Variants in STK32B observed in about 807,000 individuals in gnomAD.
STK32B encodes the protein serine/threonine-protein kinase 32B.
Under a neutral mutation model 52.6 loss-of-function variants are expected in STK32B, and 43 were observed. The ratio of observed to expected loss-of-function variants is 0.82; its 90% CI spans 0.64 to 1.05. STK32B has a LOEUF of 1.05. STK32B is among the 50% of genes least tolerant of loss of function. STK32B has a pLI of 0.00. For synonymous variants in STK32B, 238 were observed against 204.3 expected (o/e 1.17, Z -1.41); for missense variants, 621 against 534.6 (o/e 1.16, Z -1.59).
intron 2 of STK32B, among the ~76,000 whole-genome samples, chr4:5,160,827 G>A (rs1718383182): frequency 6.6e-6 from 1 of 152,206 alleles, no homozygotes; most frequent in South Asian, 2.1e-4. Context: ...CAGAGAGGGA[G>A]GCTGGGGTGC....
rs542771545 is a variant in STK32B at position 5,481,789 on chromosome 4, G to A, written c.1106+13719G>A. Among the ~76,000 whole-genome samples, 1,098 of 151,968 alleles carry A rather than the reference G, an allele frequency of 7.2e-3. 15 individuals are homozygous for A. The highest frequency in any genetic ancestry group is 0.024 in the African/African-American group (1,013 of 41,422). ...AGGTGTAAGGAAGGGATCCAGTTTCGGCTTTCTACATATGGCTAGCCAGTT... is the reference window on the plus strand; with the variant it reads ...AGGTGTAAGGAAGGGATCCAGTTTCAGCTTTCTACATATGGCTAGCCAGTT... On this transcript the variant is annotated intron_variant, in intron 11 of 11. Transcript: ENST00000282908.
At chr4:5,240,287 C>T (rs1169345489) in intron 3 of STK32B, among the ~76,000 whole-genome samples, 2 of 151,404 alleles carry the variant, frequency 1.3e-5, no homozygotes, top group Admixed American at 1.3e-4. Flanking sequence ...AATCTTGAAT[C>T]TTTTTTTTTC....
intron 11 of STK32B, among the ~76,000 whole-genome samples, chr4:5,480,789 G>T (rs914092279): frequency 6.6e-6 from 1 of 151,050 alleles, no homozygotes; most frequent in African/African-American, 2.4e-5. Flanking sequence ...GTGTCCATGT[G>T]TTCTCATTGT....
At chr4:5,489,711 C>G (rs918275947) in intron 11 of STK32B, among the ~76,000 whole-genome samples, 2 of 152,036 alleles carry the variant, frequency 1.3e-5, no homozygotes, top group Admixed American at 6.6e-5. Context: ...ACCTCCGCCT[C>G]CCAGGTTCAA....
At chr4:5,141,254 T>C (rs1272608468) in intron 2 of STK32B, among the ~76,000 whole-genome samples, 1 of 152,190 alleles carries the variant, frequency 6.6e-6, no homozygotes, top group Non-Finnish European at 1.5e-5. Flanking sequence ...AGTGCTCTCA[T>C]ACAGGGTGTC....
chr4:5,426,867 A>C (rs1713153775), intron 6 of STK32B: 1 of 152,108 alleles, frequency 6.6e-6, no homozygotes. Context: ...GAGTCTTCTT[A>C]AATTCATTTT....
intron 7 of STK32B, among the ~76,000 whole-genome samples, chr4:5,448,339 G>A (rs1340533964): frequency 3.9e-5 from 6 of 152,318 alleles, no homozygotes; most frequent in Admixed American, 6.5e-5. Context: ...TGCTCGGTTC[G>A]TTTCCTGTTA....
At chr4:5,479,803 C>T (rs1193178539) in intron 11 of STK32B, among the ~76,000 whole-genome samples, 1 of 152,186 alleles carries the variant, frequency 6.6e-6, no homozygotes, top group Non-Finnish European at 1.5e-5. Context: ...TATGTGTCCT[C>T]CCACAGCTTT....
chr4:5,226,135 A>G (rs73081635), intron 3 of STK32B, among the ~76,000 whole-genome samples: 5,904 of 152,320 alleles, frequency 0.039, 334 homozygotes, highest in African/African-American at 0.12. Flanking sequence ...CTAAATGTGA[A>G]GAAGAAATAT....
chr4:5,315,486 A>G (rs916222070), intron 3 of STK32B, among the ~76,000 whole-genome samples: 7 of 148,790 alleles, frequency 4.7e-5, no homozygotes, highest in African/African-American at 1.0e-4. Context: ...CATAAACTCA[A>G]TATTATCTAA....
the STK32B span, among the ~76,000 whole-genome samples, chr4:5,020,075 G>T: frequency 6.6e-6 from 1 of 152,196 alleles, no homozygotes; most frequent in Non-Finnish European, 1.5e-5. Context: ...GGCTCACTGA[G>T]CGGCCGTATG....
At chr4:5,172,739 A>G (rs1203934379) in intron 3 of STK32B, among the ~76,000 whole-genome samples, 3 of 152,184 alleles carry the variant, frequency 2.0e-5, no homozygotes, top group Non-Finnish European at 4.4e-5. Flanking sequence ...TTTTGCATCA[A>G]GGTTCATCAA....
intron 3 of STK32B, among the ~76,000 whole-genome samples, chr4:5,304,520 A>G (rs1729788412): frequency 6.6e-6 from 1 of 151,610 alleles, no homozygotes; most frequent in South Asian, 2.1e-4. Context: ...ACTGATTTAC[A>G]TACATTAATT....
chr4:5,024,753 C>CCAGAGT, the STK32B span, among the ~76,000 whole-genome samples: 25 of 152,204 alleles, frequency 1.6e-4, no homozygotes, highest in Admixed American at 1.3e-3. Flanking sequence ...TTAGAGCAAG[C>CCAGAGT]CAGAGTATTG....
At chr4:5,176,163 G>T (rs1719869943) in intron 3 of STK32B, among the ~76,000 whole-genome samples, 1 of 152,222 alleles carries the variant, frequency 6.6e-6, no homozygotes, top group Non-Finnish European at 1.5e-5. Context: ...CGTAGTATTA[G>T]GGTGGGAGTG....
chr4:5,220,152 C>T (rs1375821713), intron 3 of STK32B, among the ~76,000 whole-genome samples: 3 of 152,150 alleles, frequency 2.0e-5, no homozygotes, highest in East Asian at 3.9e-4. Flanking sequence ...AGAAGATGTA[C>T]ACCGAGTGTG....
intron 3 of STK32B, among the ~76,000 whole-genome samples, chr4:5,307,259 C>T (rs1490257108): frequency 6.6e-6 from 1 of 152,076 alleles, no homozygotes; most frequent in Non-Finnish European, 1.5e-5. Context: ...TTCACTTCTT[C>T]TTTGGAAACA....
chr4:5,395,705 C>T lies in STK32B; in HGVS notation c.435-2502C>T, dbSNP rs1483851124. Among the ~76,000 whole-genome samples, 1 of 152,206 alleles carries T rather than the reference C, an allele frequency of 6.6e-6. No individual in the cohort carries two copies. The highest frequency in any genetic ancestry group is 1.5e-5 in the Non-Finnish European group (1 of 68,040). ...TTCCACTCTGTGCTAAGAGCCAACA[C>T]AGAAGCAATGTGTGTTATGTATCAG... On this transcript the variant is annotated intron_variant, in intron 4 of 11. Coordinates refer to ENST00000282908, the MANE Select transcript of STK32B (RefSeq NM_018401.3). This position sits in a 1 kb window ranked among gnomAD's most constrained non-coding sequence, Gnocchi z 4.4.
intron 4 of STK32B, among the ~76,000 whole-genome samples, chr4:5,354,594 A>G (rs1304971577): frequency 2.0e-5 from 3 of 152,334 alleles, no homozygotes; most frequent in Middle Eastern, 3.4e-3. Context: ...CTAATGCTCC[A>G]TAGCAGAGAA....
Sources: gnomAD v4.1 joint callset for allele counts (sites outside exome capture counted in the v4.1 genomes callset) on GRCh38, gnomAD v4.1.1 for gene constraint, Gnocchi (gnomAD v3.1) non-coding constraint, MANE v1.5 for transcripts, NCBI Gene and HGNC (gene_info 2026-07-23, HGNC 2026-07-21) for gene names.